PPP2R2B: variants seen among roughly 807,000 people sequenced by gnomAD.
PPP2R2B encodes the protein protein phosphatase 2 regulatory subunit Bbeta, also known as serine/threonine-protein phosphatase 2A 55 kDa regulatory subunit B beta isoform.
A neutral mutation model predicts 46.0 loss-of-function variants in PPP2R2B; 5 were observed. The observed-to-expected ratio is 0.11, with a 90% CI of 0.06 to 0.23. The LOEUF (loss-of-function observed/expected upper bound fraction) is 0.23, where lower values mean the gene tolerates loss of function less well. PPP2R2B is among the 10% of genes least tolerant of loss of function. PPP2R2B has a pLI of 1.00. For synonymous variants in PPP2R2B, 215 were observed against 206.7 expected (o/e 1.04, Z -0.34); for missense variants, 367 against 575.0 (o/e 0.64, Z 3.70).
At chr5:147,054,523 T>C (rs1403161673) in intron 1 of PPP2R2B, 6 of 433,346 alleles carry the variant, frequency 1.4e-5, no homozygotes, top group African/African-American at 2.0e-5. Flanking sequence ...CTATGAAAAA[T>C]ACCACCCTCA....
At chr5:146,869,073 A>G (rs866999968) in intron 2 of PPP2R2B, among the ~76,000 whole-genome samples, 3 of 152,214 alleles carry the variant, frequency 2.0e-5, no homozygotes, top group Middle Eastern at 3.2e-3. Context: ...AATCATTATT[A>G]ATTATTAACA....
At chr5:146,896,325 T>C (rs1357528411) in intron 1 of PPP2R2B, among the ~76,000 whole-genome samples, 1 of 152,162 alleles carries the variant, frequency 6.6e-6, no homozygotes, top group Non-Finnish European at 1.5e-5. Context: ...TTATTAACTA[T>C]CATTGAGGCA....
intron 1 of PPP2R2B, among the ~76,000 whole-genome samples, chr5:146,966,259 T>C (rs903742228): frequency 2.0e-5 from 3 of 152,188 alleles, no homozygotes; most frequent in Non-Finnish European, 4.4e-5. Flanking sequence ...ATTGGTCACA[T>C]GCAGGTAAGG....
Position 146,983,176 on chromosome 5 carries a change from A to ATTT in PPP2R2B, c.79+72486_79+72488dup, listed in dbSNP as rs745692719. On this transcript the variant is annotated intron_variant, in intron 1 of 8. Transcript: ENST00000336640. The stretch of plus-strand genomic sequence containing the variant: ...GTTTATCTATCGTGTTTTCCAGAGC[A>ATTT]TTTTTTTTTTTTTTTTTTTTTTGAG... Among the ~76,000 whole-genome samples the ATTT allele has an allele frequency of 7.7e-3, 624 of 80,842 alleles. 38 individuals carry two copies. Among genetic ancestry groups the ATTT allele is most frequent in the African/African-American group, 0.017 (339 of 20,400 alleles). The allele number at this position is 80,842 out of a possible 152,430, so 53.0% of individuals were successfully genotyped here. A position where few individuals can be genotyped will look rare whatever the true frequency, so the allele number is the denominator to read the frequency against.
chr5:146,786,742 A>T (rs1755864396), intron 2 of PPP2R2B, among the ~76,000 whole-genome samples: 1 of 152,180 alleles, frequency 6.6e-6, no homozygotes, highest in Non-Finnish European at 1.5e-5. Flanking sequence ...TAGGGAAAAA[A>T]ATGAAGACAC....
chr5:146,670,958 G>C (rs1363355540), intron 5 of PPP2R2B, among the ~76,000 whole-genome samples: 5 of 152,136 alleles, frequency 3.3e-5, no homozygotes, highest in African/African-American at 1.2e-4. Context: ...ATTCTAGCCA[G>C]ATAGAGTCAT....
chr5:147,028,214 C>A (rs1179326780), intron 1 of PPP2R2B, among the ~76,000 whole-genome samples: 3 of 152,164 alleles, frequency 2.0e-5, no homozygotes, highest in Non-Finnish European at 4.4e-5. Flanking sequence ...CTCAATAGGA[C>A]TTCTCATTTT....
chr5:146,972,592 A>G (rs1015201259), intron 1 of PPP2R2B, among the ~76,000 whole-genome samples: 3 of 152,070 alleles, frequency 2.0e-5, no homozygotes, highest in African/African-American at 7.2e-5. Context: ...GGTGCCTGTA[A>G]TCCCAGCTAC....
chr5:146,975,170 C>T (rs911312292), intron 1 of PPP2R2B, among the ~76,000 whole-genome samples: 1 of 152,092 alleles, frequency 6.6e-6, no homozygotes, highest in Non-Finnish European at 1.5e-5. Context: ...TCCATTGCAC[C>T]GACCCCCAGC....
intron 1 of PPP2R2B, among the ~76,000 whole-genome samples, chr5:146,925,043 T>C (rs1021983146): frequency 1.1e-4 from 16 of 152,202 alleles, no homozygotes; most frequent in African/African-American, 3.6e-4. Flanking sequence ...TTTGCTCCAA[T>C]ATACTGCCAT....
intron 1 of PPP2R2B, among the ~76,000 whole-genome samples, chr5:147,006,098 A>G (rs995940003): frequency 6.6e-6 from 1 of 152,186 alleles, no homozygotes; most frequent in Admixed American, 6.5e-5. Flanking sequence ...GTCTGACCAC[A>G]TCTAGGAGGA....
rs148130704 is a variant in PPP2R2B, at chr5:146,884,693, A to G, written c.79+170972T>C. 8.9e-3 allele frequency among the ~76,000 whole-genome samples: 1,350 copies of G among 152,306 alleles called. 21 individuals are homozygous for G. Among genetic ancestry groups the G allele is most frequent in the African/African-American group, 0.031 (1,289 of 41,560 alleles). The stretch of plus-strand genomic sequence containing the variant: ...CATCTTCTTGTACCTCTTACCATTC[A>G]TTGGTTTTAGAGTTAAATTTAGGCT... On this transcript the variant is annotated intron_variant, in intron 1 of 8. Transcript: ENST00000336640.
At chr5:146,783,894 T>G (rs1178971309) in intron 2 of PPP2R2B, among the ~76,000 whole-genome samples, 2 of 152,236 alleles carry the variant, frequency 1.3e-5, no homozygotes, top group African/African-American at 4.8e-5. Flanking sequence ...AGAATGATGT[T>G]ATTAACTTAT....
intron 2 of PPP2R2B, among the ~76,000 whole-genome samples, chr5:146,846,607 G>A (rs1340998207): frequency 1.3e-5 from 2 of 152,080 alleles, no homozygotes; most frequent in Non-Finnish European, 2.9e-5. Flanking sequence ...GAACCTGGGA[G>A]GTGGAGGTTG....
intron 2 of PPP2R2B, among the ~76,000 whole-genome samples, chr5:146,809,001 G>GCGCA (rs1757367872): frequency 6.6e-6 from 1 of 151,414 alleles, no homozygotes; most frequent in East Asian, 1.9e-4. Flanking sequence ...GTGTGCGCGC[G>GCGCA]CACCCACTTC....
At chr5:146,870,249 A>G (rs913167611) in intron 2 of PPP2R2B, among the ~76,000 whole-genome samples, 1 of 152,038 alleles carries the variant, frequency 6.6e-6, no homozygotes, top group Non-Finnish European at 1.5e-5. Context: ...GCCCCCCTCC[A>G]CCCCAATCTA....
intron 1 of PPP2R2B, among the ~76,000 whole-genome samples, chr5:146,899,862 T>C (rs1762768497): frequency 6.6e-6 from 1 of 152,186 alleles, no homozygotes; most frequent in African/African-American, 2.4e-5. Context: ...TTTTAAAAGA[T>C]ATATAACTAC....
At chr5:146,757,093 G>A (rs902834109) in intron 2 of PPP2R2B, among the ~76,000 whole-genome samples, 2 of 152,068 alleles carry the variant, frequency 1.3e-5, no homozygotes, top group Non-Finnish European at 2.9e-5. Flanking sequence ...CCTGGTGGAG[G>A]GAAGATCAGG....
At chr5:146,790,229 GA>G (rs1337089891) in intron 2 of PPP2R2B, among the ~76,000 whole-genome samples, 1 of 152,226 alleles carries the variant, frequency 6.6e-6, no homozygotes, top group Non-Finnish European at 1.5e-5. Context: ...AGATAGAAGT[GA>G]AAATGCCAAT....
Sources: allele counts gnomAD v4.1 joint callset (sites outside exome capture counted in the v4.1 genomes callset), GRCh38; gene constraint gnomAD v4.1.1; transcripts MANE v1.5; gene names NCBI Gene and HGNC (gene_info 2026-07-23, HGNC 2026-07-21).